RALGAPA1: variants seen among roughly 807,000 people sequenced by gnomAD.
The protein encoded by RALGAPA1 is Ral GTPase activating protein catalytic subunit alpha 1.
RALGAPA1 carries 52 observed loss-of-function variants against 269.6 expected under a neutral mutation model. That is an observed-to-expected ratio of 0.19 (90% CI 0.15 to 0.24). The LOEUF (loss-of-function observed/expected upper bound fraction) is 0.24, where lower values mean the gene tolerates loss of function less well. Ranked by LOEUF, RALGAPA1 falls within the 10% of genes least tolerant of loss-of-function variation. The pLI is 1.00. For synonymous variants in RALGAPA1, 817 were observed against 1,008.3 expected (o/e 0.81, Z 3.60); for missense variants, 1,917 against 3,013.9 (o/e 0.64, Z 8.52).
At chr14:35,542,771 G>A (rs763367130) in intron 41 of RALGAPA1, among the ~76,000 whole-genome samples, 16 of 152,098 alleles carry the variant, frequency 1.1e-4, no homozygotes, top group African/African-American at 1.7e-4. Flanking sequence ...TGTGCATACC[G>A]TATCTGTTAC....
At chr14:35,564,609 A>G (rs1027503360) in intron 39 of RALGAPA1, 3 of 152,204 alleles carry the variant, frequency 2.0e-5, no homozygotes, top group African/African-American at 7.2e-5. Flanking sequence ...GAAAAAGTCA[A>G]ATCTAAACAG....
chr14:35,700,841 G>T (rs947107439), intron 16 of RALGAPA1, among the ~76,000 whole-genome samples: 2 of 152,048 alleles, frequency 1.3e-5, no homozygotes, highest in South Asian at 4.2e-4. Flanking sequence ...ATAGTCAAAA[G>T]GATTTAATCT....
chr14:35,695,524 C>G (rs2066832990), intron 17 of RALGAPA1, among the ~76,000 whole-genome samples: 1 of 152,070 alleles, frequency 6.6e-6, no homozygotes. Context: ...GATCAGTCCC[C>G]AACATTAGCA....
intron 19 of RALGAPA1, among the ~76,000 whole-genome samples, chr14:35,685,549 G>A (rs1271929628): frequency 6.6e-6 from 1 of 152,068 alleles, no homozygotes; most frequent in Non-Finnish European, 1.5e-5. Context: ...AAAAGAAAGG[G>A]GCGGGGTATA....
At chr14:35,559,027 T>C (rs1321428564) in intron 39 of RALGAPA1, among the ~76,000 whole-genome samples, 1 of 152,164 alleles carries the variant, frequency 6.6e-6, no homozygotes, top group African/African-American at 2.4e-5. Context: ...TCACATACCT[T>C]ATGTGAAATG....
At chr14:35,594,616 A>G (rs1450854060) in intron 37 of RALGAPA1, among the ~76,000 whole-genome samples, 1 of 152,058 alleles carries the variant, frequency 6.6e-6, no homozygotes, top group Non-Finnish European at 1.5e-5. Flanking sequence ...TACTCATTAG[A>G]ATGCTATTGC....
In RALGAPA1 at chr14:35,564,671, C is replaced by T. The variant is rs576374190; in HGVS notation, c.7496+5946G>A. Among the ~76,000 whole-genome samples the T allele has an allele frequency of 5.3e-5, 8 of 152,136 alleles. No individual in the cohort carries two copies. In the South Asian group the frequency reaches 1.2e-3, roughly 24 times the overall value. ...TGTGGTAGGAAAGAATATTCTAAATCGAGGAATAAAGTATTCTTTTAAAAT... is the reference window on the plus strand; with the variant it reads ...TGTGGTAGGAAAGAATATTCTAAATTGAGGAATAAAGTATTCTTTTAAAAT... On this transcript the variant is annotated intron_variant, in intron 39 of 41. Coordinates refer to ENST00000680220, the MANE Select transcript of RALGAPA1 (RefSeq NM_001346249.2).
In RALGAPA1 at chr14:35,808,838, T is replaced by C; in HGVS notation, c.-3A>G. On this transcript the variant is annotated 5_prime_UTR_variant, in exon 1 of 42. Transcript: ENST00000680220. The stretch of plus-strand genomic sequence containing the variant: ...CCGTGCGGCTTCTTGGAGAACATCC[T>C]GTCGCTGCCACTGCCACTGCCACTG... 6.2e-7 allele frequency: 1 copy of C among 1,606,234 alleles called. No individual in the cohort carries two copies. The highest frequency in any genetic ancestry group is 8.5e-7 in the Non-Finnish European group (1 of 1,177,074).
In RALGAPA1 at chr14:35,549,135, G is replaced by A. The variant is rs755979882; in HGVS notation, c.7596C>T (p.Pro2532=). The A allele has an allele frequency of 1.1e-5, 17 of 1,611,252 alleles. No homozygotes were observed. Among genetic ancestry groups the A allele is most frequent in the South Asian group, 5.5e-5 (5 of 90,972 alleles). ...DFAAQVFSPA[P]YHHLPSDADH is the part of the protein sequence containing the mutation. The stretch of plus-strand genomic sequence containing the variant: ...CGGCATCAGATGGTAAATGGTGGTA[G>A]GGAGCTGGAGAAAAAACCTGTGCTG... Residue 2532 remains proline (P), a synonymous_variant, in exon 40 of 42, where the codon CCC becomes CCT. Coordinates refer to ENST00000680220, the MANE Select transcript of RALGAPA1 (RefSeq NM_001346249.2).
At chr14:35,726,046 T>G (rs1447831857) in intron 13 of RALGAPA1, among the ~76,000 whole-genome samples, 3 of 152,184 alleles carry the variant, frequency 2.0e-5, no homozygotes, top group Non-Finnish European at 2.9e-5. Context: ...GACTTTCAGT[T>G]GGGTGTATCA....
chr14:35,804,432 G>A (rs2077205170), intron 1 of RALGAPA1, among the ~76,000 whole-genome samples: 1 of 151,732 alleles, frequency 6.6e-6, no homozygotes, highest in South Asian at 2.1e-4. Context: ...AGCTGGGCCT[G>A]ATGGTGCACA....
intron 35 of RALGAPA1, among the ~76,000 whole-genome samples, chr14:35,619,267 T>C (rs1263198556): frequency 6.6e-6 from 1 of 151,988 alleles, no homozygotes; most frequent in South Asian, 2.1e-4. Flanking sequence ...ACAAAAAGAA[T>C]GAATACCCCA....
At chr14:35,748,380 T>C (rs1254642256) in intron 10 of RALGAPA1, 9 of 105,682 alleles carry the variant, frequency 8.5e-5, no homozygotes, top group Non-Finnish European at 1.2e-4. Context: ...CTCTCGCTCT[T>C]TTTTTTTTTT....
chr14:35,689,987 T>G lies in RALGAPA1; in HGVS notation c.2424A>C (p.Gln808His). The G allele has an allele frequency of 6.3e-7, 1 of 1,584,936 alleles. No individual in the cohort carries two copies. Residue 808 changes from glutamine (Q) to histidine (H), a missense_variant, in exon 18 of 42, where the codon CAA becomes CAC. Physicochemically the swap from Gln to His is conservative, Grantham distance 24. Around this residue, in one of 11 missense-constraint regions of RALGAPA1, gnomAD observed 125 missense variants for 155.7 expected, o/e 0.80. Transcript: ENST00000680220. ...SDELSDIDDA[Q>H]ILPRSTRVRH... ...TGACTCTAGTTGAGCGGGGAAGTAT[T>G]TGAGCATCATCAATATCTGTAAAAG...
intron 8 of RALGAPA1, among the ~76,000 whole-genome samples, chr14:35,751,117 G>A (rs10483458): frequency 0.041 from 6,165 of 152,176 alleles, 357 homozygotes; most frequent in African/African-American, 0.12. Flanking sequence ...ATTTACCTAC[G>A]GACTACCAAT....
rs1379933617 is a variant in RALGAPA1, at chr14:35,789,732, T to G, written c.107-13987A>C. 2.6e-5 allele frequency among the ~76,000 whole-genome samples: 4 copies of G among 152,096 alleles called. No homozygotes were observed. In the East Asian group the frequency reaches 7.7e-4, roughly 29 times the overall value. On this transcript the variant is annotated intron_variant, in intron 1 of 41. Coordinates refer to ENST00000680220, the MANE Select transcript of RALGAPA1 (RefSeq NM_001346249.2). ...TCAAAAAGTTTGGGGACCACTGATA[T>G]AAAGAGTTAGAAGAAAAGAGATCTG...
At chr14:35,751,859 AT>A (rs541161786) in intron 8 of RALGAPA1, among the ~76,000 whole-genome samples, 164 bp downstream of exon 8, 37 of 151,952 alleles carry the variant, frequency 2.4e-4, no homozygotes, top group Non-Finnish European at 5.1e-4. Context: ...AAAATTTCCT[AT>A]TAATATAAAT....
At chr14:35,636,751 C>A (rs2061688391) in intron 31 of RALGAPA1, among the ~76,000 whole-genome samples, 1 of 152,142 alleles carries the variant, frequency 6.6e-6, no homozygotes, top group African/African-American at 2.4e-5. Context: ...GAACTCCTAG[C>A]CTCAAGTGAT....
chr14:35,738,053 A>T (rs1237867408), intron 12 of RALGAPA1, among the ~76,000 whole-genome samples: 1 of 151,308 alleles, frequency 6.6e-6, no homozygotes. Flanking sequence ...GCACCATTGC[A>T]CTCCAGCCTG....
Sources: gnomAD v4.1 joint callset for allele counts (sites outside exome capture counted in the v4.1 genomes callset) on GRCh38, gnomAD v4.1.1 for gene constraint, gnomAD v4.1.1 regional missense constraint, MANE v1.5 for transcripts, NCBI Gene and HGNC (gene_info 2026-07-23, HGNC 2026-07-21) for gene names.